Variants in TMEM67 observed in about 807,000 individuals in gnomAD.
The protein encoded by TMEM67 is meckelin.
A neutral mutation model predicts 136.6 loss-of-function variants in TMEM67; 124 were observed. That is an observed-to-expected ratio of 0.91 (90% CI 0.78 to 1.05). The LOEUF is 1.05. Among genes scored for constraint, TMEM67 ranks in the 50% least tolerant of loss-of-function variants. The pLI is 0.00. For missense variants in TMEM67, 1,107 were observed against 1,178.4 expected, an observed-to-expected ratio of 0.94 and a Z score of 0.89; for synonymous variants, 364 against 390.5, an observed-to-expected ratio of 0.93 and a Z score of 0.80.
intron 25 of TMEM67, among the ~76,000 whole-genome samples, chr8:93,809,529 G>T (rs1484416336): frequency 1.3e-5 from 2 of 152,044 alleles, no homozygotes; most frequent in African/African-American, 2.4e-5. Context: ...TGCTATGATT[G>T]TATTTCTAAA....
At chr8:93,805,184 C>T (rs537624119) in intron 23 of TMEM67, among the ~76,000 whole-genome samples, 1 of 152,266 alleles carries the variant, frequency 6.6e-6, no homozygotes, top group African/African-American at 2.4e-5. Flanking sequence ...GTTGGCCAGG[C>T]TGGTCTTGAA....
At chr8:93,810,558 C>T (rs890540793) in intron 26 of TMEM67, among the ~76,000 whole-genome samples, 1 of 151,936 alleles carries the variant, frequency 6.6e-6, no homozygotes, top group Non-Finnish European at 1.5e-5. Context: ...CCAGCCTGGG[C>T]AACAAGAGTG....
intron 6 of TMEM67, chr8:93,769,600 G>A (rs751557252): frequency 6.3e-4 from 105 of 167,230 alleles, no homozygotes; most frequent in Non-Finnish European, 3.4e-4. Flanking sequence ...GTTCCGTGTA[G>A]CCAGTGTATA....
chr8:93,764,142 G>A (rs1812975469), intron 4 of TMEM67, among the ~76,000 whole-genome samples: 1 of 152,166 alleles, frequency 6.6e-6, no homozygotes, highest in South Asian at 2.1e-4. Flanking sequence ...CAGTCTGTTA[G>A]TTGTCTGACC....
chr8:93,800,007 A>G (rs1199244404), intron 21 of TMEM67, among the ~76,000 whole-genome samples: 3 of 150,480 alleles, frequency 2.0e-5, no homozygotes, highest in African/African-American at 7.4e-5. Context: ...TTCCGGGTTC[A>G]AGCAATTCTC....
intron 3 of TMEM67, 72 bp downstream of exon 3, chr8:93,758,648 G>A (rs558192629): frequency 7.9e-7 from 1 of 1,262,782 alleles, no homozygotes; most frequent in African/African-American, 1.5e-5. Context: ...TTTGAAAAGG[G>A]CACTAATTTA....
chr8:93,811,746 T>C (rs1808709100), intron 26 of TMEM67, among the ~76,000 whole-genome samples: 1 of 152,128 alleles, frequency 6.6e-6, no homozygotes, highest in African/African-American at 2.4e-5. Flanking sequence ...CTGATAGAGA[T>C]GCATGATCAA....
chr8:93,828,496 T>C, the TMEM67 span, among the ~76,000 whole-genome samples: 3 of 152,156 alleles, frequency 2.0e-5, no homozygotes, highest in African/African-American at 4.8e-5. Context: ...TCCCAACACT[T>C]TGGGAGGCCA....
At chr8:93,789,645 C>CA (rs1292045566) in intron 14 of TMEM67, among the ~76,000 whole-genome samples, 12 of 96,464 alleles carry the variant, frequency 1.2e-4, no homozygotes, top group African/African-American at 3.8e-4. Flanking sequence ...AACTCTGTCT[C>CA]AAAAAAATAT....
intron 26 of TMEM67, among the ~76,000 whole-genome samples, chr8:93,811,696 C>A (rs1425063984): frequency 6.6e-6 from 1 of 151,948 alleles, no homozygotes; most frequent in African/African-American, 2.4e-5. Context: ...TAAAATATTT[C>A]TATTATATCT....
chr8:93,756,384 T>C (rs565675325), intron 2 of TMEM67: 3 of 152,142 alleles, frequency 2.0e-5, no homozygotes, highest in Non-Finnish European at 4.4e-5. Flanking sequence ...TATCGTAATT[T>C]AAAAAAAATT....
At chr8:93,814,878 G>A (rs1023943454) in intron 26 of TMEM67, among the ~76,000 whole-genome samples, 16 of 152,056 alleles carry the variant, frequency 1.1e-4, no homozygotes, top group Admixed American at 6.6e-4. Context: ...AAACCTCAGC[G>A]GGACTATTTG....
intron 25 of TMEM67, 45 bp from the exon 26 acceptor site, chr8:93,809,740 A>G (rs1408804694): frequency 5.4e-6 from 6 of 1,109,258 alleles, no homozygotes; most frequent in Non-Finnish European, 8.3e-6. Context: ...CAAAGCATTT[A>G]TTTCACTACT....
intron 3 of TMEM67, 112 bp downstream of exon 3, chr8:93,758,688 C>T: frequency 2.2e-6 from 2 of 919,146 alleles, no homozygotes; most frequent in Non-Finnish European, 1.7e-6. Flanking sequence ...AATATTTTTG[C>T]AGTGGCTCAA....
At chr8:93,830,146 GT>G in the TMEM67 span, among the ~76,000 whole-genome samples, 1 of 152,088 alleles carries the variant, frequency 6.6e-6, no homozygotes, top group Non-Finnish European at 1.5e-5. Context: ...TTTCTACATG[GT>G]TGTCAATCAT....
In TMEM67 at chr8:93,797,235, T is replaced by C. The variant is rs773206482; in HGVS notation, c.1960+2T>C. 3 of 1,611,884 alleles carry C rather than the reference T, an allele frequency of 1.9e-6. No individual in the cohort carries two copies. The highest frequency in any genetic ancestry group is 1.7e-6 in the Non-Finnish European group (2 of 1,177,944). ...GAAAGGTTCTTAAAGCTGTTGAAGG[T>C]AACTGAAATAAAAAATATTTGTACC... is the stretch of plus-strand genomic sequence containing the variant. On this transcript the variant is annotated splice_donor_variant, in intron 19 of 27. Coordinates refer to ENST00000453321, the MANE Select transcript of TMEM67 (RefSeq NM_153704.6). LOFTEE classifies it high-confidence loss of function.
In TMEM67 at chr8:93,785,156, A is replaced by AT. The variant is rs897065425; in HGVS notation, c.1132-60dup. ...ATTTTCAATTGTGATCTTTTATTTT[A>AT]TTTTTTACTTTTTAGTACTTTAAGT... On this transcript the variant is annotated intron_variant, in intron 11 of 27. Coordinates refer to ENST00000453321, the MANE Select transcript of TMEM67 (RefSeq NM_153704.6). 1.8e-5 allele frequency: 17 copies of AT among 953,976 alleles called. No homozygotes were observed. In the Admixed American group the frequency reaches 2.2e-4, roughly 12 times the overall value. The allele number at this position is 953,976 out of a possible 1,614,324, so 59.1% of individuals were successfully genotyped here.
Position 93,804,883 on chromosome 8 carries a change from G to A in TMEM67, c.2439+5G>A. ...ATGAACCTTAAAAGAGAAGCGGTAT[G>A]AAAATGTTTTACATCTTTTTGTTTT... On this transcript the variant is annotated splice_donor_5th_base_variant and intron_variant, in intron 23 of 27. Transcript: ENST00000453321. The A allele has an allele frequency of 1.3e-6, 2 of 1,482,096 alleles. No homozygotes were observed. The highest frequency in any genetic ancestry group is 1.9e-6 in the Non-Finnish European group (2 of 1,060,172). 91.8% of individuals were successfully genotyped at this position (1,482,096 alleles called of 1,614,324 possible). A position where few individuals can be genotyped will look rare whatever the true frequency, so the allele number is the denominator to read the frequency against.
chr8:93,793,190 T>G lies in TMEM67; in HGVS notation c.1576-8T>G. The G allele has an allele frequency of 6.2e-7, 1 of 1,612,378 alleles. No homozygotes were observed. The highest frequency in any genetic ancestry group is 8.5e-7 in the Non-Finnish European group (1 of 1,178,408). Reference sequence around the variant, plus strand: ...ACATAAATTCTCAATTGTTCTTTTGTTTTTTAGATTGCTTTGGGTGTATTG... The same window carrying G: ...ACATAAATTCTCAATTGTTCTTTTGGTTTTTAGATTGCTTTGGGTGTATTG... On this transcript the variant is annotated splice_polypyrimidine_tract_variant and splice_region_variant and intron_variant, in intron 15 of 27. Transcript: ENST00000453321.
Sources: allele counts gnomAD v4.1 joint callset (sites outside exome capture counted in the v4.1 genomes callset), GRCh38; gene constraint gnomAD v4.1.1; transcripts MANE v1.5; gene names NCBI Gene and HGNC (gene_info 2026-07-23, HGNC 2026-07-21).